The following TULP4 variants were observed in gnomAD, a reference collection of about 807,000 sequenced individuals.
TULP4 encodes tubby-related protein 4.
TULP4 carries 16 observed loss-of-function variants against 129.0 expected under a neutral mutation model. That is an observed-to-expected ratio of 0.12 (90% CI 0.08 to 0.19). The LOEUF (loss-of-function observed/expected upper bound fraction) is 0.19, where lower values mean the gene tolerates loss of function less well. Among genes scored for constraint, TULP4 ranks in the 10% least tolerant of loss-of-function variants. The pLI is 1.00. For missense variants in TULP4, 1,842 were observed against 2,059.1 expected (o/e 0.89, Z 2.04); for synonymous variants, 998 against 854.0 (o/e 1.17, Z -2.94).
intron 8 of TULP4, 91 bp downstream of exon 8, chr6:158,481,380 A>G (rs925176344): frequency 3.3e-6 from 4 of 1,203,248 alleles, no homozygotes; most frequent in Non-Finnish European, 3.6e-6. Flanking sequence ...AATGTCTGCT[A>G]ATGAAACGTG....
chr6:158,352,572 T>C (rs1780550548), intron 1 of TULP4, among the ~76,000 whole-genome samples: 1 of 152,148 alleles, frequency 6.6e-6, no homozygotes, highest in Non-Finnish European at 1.5e-5. Context: ...AATTTTTGTA[T>C]TTTTAGTAGA....
In TULP4 at chr6:158,504,347, G is replaced by C. The variant is rs897261007; in HGVS notation, c.4515+169G>C. Among the ~76,000 whole-genome samples, 3 of 142,442 alleles carry C rather than the reference G, an allele frequency of 2.1e-5. No homozygotes were observed. In the East Asian group the frequency reaches 5.9e-4, roughly 28 times the overall value. 93.4% of individuals were successfully genotyped at this position (142,442 alleles called of 152,430 possible). On this transcript the variant is annotated intron_variant, in intron 13 of 13. Coordinates refer to ENST00000367097, the MANE Select transcript of TULP4 (RefSeq NM_020245.5). Reference sequence around the variant, plus strand: ...TTTTTAGTGTGCCCACTGCTGTCTTGTATTTTTTTTTTTCTTTTTGAGACC... The same window carrying C: ...TTTTTAGTGTGCCCACTGCTGTCTTCTATTTTTTTTTTTCTTTTTGAGACC...
chr6:158,478,551 C>T (rs1174431425), intron 6 of TULP4, among the ~76,000 whole-genome samples: 2 of 152,160 alleles, frequency 1.3e-5, no homozygotes, highest in African/African-American at 4.8e-5. Flanking sequence ...GGAGACATGT[C>T]CTGGAAGTGT....
At chr6:158,437,406 T>C (rs1217923466) in intron 3 of TULP4, among the ~76,000 whole-genome samples, 5 of 151,770 alleles carry the variant, frequency 3.3e-5, no homozygotes. Context: ...TACAAAAAAT[T>C]AAAAACCAGC....
chr6:158,367,213 T>C (rs1776938275), intron 1 of TULP4, among the ~76,000 whole-genome samples: 1 of 152,228 alleles, frequency 6.6e-6, no homozygotes, highest in East Asian at 1.9e-4. Flanking sequence ...AAACAGCTTC[T>C]TGGGCACTGA....
Position 158,275,815 on chromosome 6 carries a change from G to A in TULP4, n.69-36236G>A, listed in dbSNP as rs1041724398. On this transcript the variant is annotated intron_variant and non_coding_transcript_variant, in intron 1 of 1. Transcript: ENST00000620026. ...GTTCTGCTGTGGAGGACAGTAACTC[G>A]TCATCTTATTTAAGACCCTGTGACT... 8.5e-5 allele frequency among the ~76,000 whole-genome samples: 13 copies of A among 152,272 alleles called. No homozygotes were observed. The East Asian group carries it at 1.5e-3, about 18-fold the overall frequency.
Position 158,413,341 on chromosome 6 carries a change from T to TGA in TULP4, c.381+148_381+149insGA. ...AATCAATCAAATTAGAATCCTACTT[T>TGA]TCATTTCTCTCACATATGTCACTGG... On this transcript the variant is annotated intron_variant, in intron 2 of 13. Coordinates refer to ENST00000367097, the MANE Select transcript of TULP4 (RefSeq NM_020245.5). The surrounding 1 kb of genome is among the most constrained non-coding windows in gnomAD (Gnocchi z 4.9). 1 of 974,260 alleles carries TGA rather than the reference T, an allele frequency of 1.0e-6. No individual in the cohort carries two copies. The highest frequency in any genetic ancestry group is 1.4e-6 in the Non-Finnish European group (1 of 695,028). 60.4% of individuals were successfully genotyped at this position (974,260 alleles called of 1,614,324 possible).
rs527317770 is a variant in TULP4, at chr6:158,396,250, C to T, written c.253-16815C>T. Among the ~76,000 whole-genome samples, 77 of 151,032 alleles carry T rather than the reference C, an allele frequency of 5.1e-4. 1 individual carries two copies. The highest frequency in any genetic ancestry group is 1.8e-3 in the African/African-American group (73 of 40,346). On this transcript the variant is annotated intron_variant, in intron 1 of 13. Transcript: ENST00000367097. ...CTCCCCAACCTCTATTCTCTCATGT[C>T]GAGGGCAGAACCCAGGTTGGCTCTT...
At chr6:158,381,920 GTTA>G (rs543278806) in intron 1 of TULP4, among the ~76,000 whole-genome samples, 33 of 152,184 alleles carry the variant, frequency 2.2e-4, no homozygotes, top group African/African-American at 7.9e-4. Context: ...TTGTTTTTTT[GTTA>G]TTGTTGTTGT....
At chr6:158,430,911 A>G (rs1778613910) in intron 3 of TULP4, among the ~76,000 whole-genome samples, 1 of 152,148 alleles carries the variant, frequency 6.6e-6, no homozygotes, top group Admixed American at 6.5e-5. Flanking sequence ...TGGAACCGTA[A>G]CTTTCATTTT....
At position 158,289,227 on chromosome 6, in the gene TULP4, C is replaced by G. The variant is rs534488763; in HGVS notation, n.116+6849C>G. Among the ~76,000 whole-genome samples, 27 of 152,178 alleles carry G rather than the reference C, an allele frequency of 1.8e-4. No individual in the cohort carries two copies. The South Asian group carries it at 5.6e-3, about 32-fold the overall frequency. ...TAAGTTGTTCATGGTATTATTTTAT[C>G]TTAAGTTTCATGGTGTCTGTAGTTA... is the stretch of plus-strand genomic sequence containing the variant. On this transcript the variant is annotated intron_variant and non_coding_transcript_variant, in intron 1 of 1. Coordinates refer to the TULP4 transcript ENST00000432358.
At chr6:158,339,400 C>G (rs562642215) in intron 1 of TULP4, among the ~76,000 whole-genome samples, 8 of 152,316 alleles carry the variant, frequency 5.3e-5, no homozygotes, top group Admixed American at 2.0e-4. Context: ...TCCCGCTGTG[C>G]ACACATTGTC....
chr6:158,324,593 A>G (rs546787800), intron 1 of TULP4, among the ~76,000 whole-genome samples: 1 of 152,332 alleles, frequency 6.6e-6, no homozygotes, highest in African/African-American at 2.4e-5. Flanking sequence ...CGTGTGTCAG[A>G]GGGTGGATAT....
intron 2 of TULP4, among the ~76,000 whole-genome samples, chr6:158,422,916 A>T (rs1778382605): frequency 6.6e-6 from 1 of 152,242 alleles, no homozygotes; most frequent in East Asian, 1.9e-4. Context: ...AAGGGCCGGA[A>T]GGCGCCCGAA....
chr6:158,315,609 CAG>C (rs1779469717), intron 1 of TULP4, among the ~76,000 whole-genome samples: 1 of 152,164 alleles, frequency 6.6e-6, no homozygotes, highest in Admixed American at 6.5e-5. Context: ...TGCTCCTTCC[CAG>C]ATTTTACATT....
chr6:158,494,803 G>C lies in TULP4; in HGVS notation c.1827G>C (p.Lys609Asn). 6.2e-7 allele frequency: 1 copy of C among 1,614,090 alleles called. No homozygotes were observed. Among genetic ancestry groups the C allele is most frequent in the Non-Finnish European group, 8.5e-7 (1 of 1,180,010 alleles). ...CTAATATCTGGGGAACCAAATTTAAGATTGTGGGCTTGGCTGCTTTCCTGC... is the reference window on the plus strand; with the variant it reads ...CTAATATCTGGGGAACCAAATTTAACATTGTGGGCTTGGCTGCTTTCCTGC... ...VTSNIWGTKF[K>N]IVGLAAFLPT... is the part of the protein sequence containing the mutation. Residue 609 changes from lysine to asparagine, a missense_variant, in exon 11 of 14, where the codon AAG becomes AAC. Physicochemically the swap from Lys to Asn is moderately conservative, Grantham distance 94. Coordinates refer to ENST00000367097, the MANE Select transcript of TULP4 (RefSeq NM_020245.5).
At chr6:158,377,226 G>C (rs1382690451) in intron 1 of TULP4, among the ~76,000 whole-genome samples, 1 of 152,200 alleles carries the variant, frequency 6.6e-6, no homozygotes, top group Non-Finnish European at 1.5e-5. Context: ...TACACACACA[G>C]TAACATCTCT....
chr6:158,490,163 C>T (rs1354118946), intron 9 of TULP4, among the ~76,000 whole-genome samples: 1 of 152,158 alleles, frequency 6.6e-6, no homozygotes, highest in Non-Finnish European at 1.5e-5. Flanking sequence ...TTTGGGCGGC[C>T]GAGGCGGGTG....
chr6:158,453,007 C>G (rs553080903), intron 5 of TULP4, among the ~76,000 whole-genome samples: 1 of 152,240 alleles, frequency 6.6e-6, no homozygotes, highest in South Asian at 2.1e-4. Flanking sequence ...GCCTCTGACC[C>G]TTGATGTTTA....
Sources: allele counts gnomAD v4.1 joint callset (sites outside exome capture counted in the v4.1 genomes callset), GRCh38; gene constraint gnomAD v4.1.1; non-coding constraint Gnocchi (gnomAD v3.1); transcripts MANE v1.5; gene names NCBI Gene and HGNC (gene_info 2026-07-23, HGNC 2026-07-21).